Variants in RASGEF1B observed in about 807,000 individuals in gnomAD.
RASGEF1B encodes RasGEF domain family member 1B, also known as ras-GEF domain-containing family member 1B.
Under a neutral mutation model 65.7 loss-of-function variants are expected in RASGEF1B, and 30 were observed. That is an observed-to-expected ratio of 0.46 (90% confidence interval 0.34 to 0.62). The LOEUF is 0.62. RASGEF1B is among the 20% of genes least tolerant of loss of function. RASGEF1B has a pLI of 0.01. For synonymous variants in RASGEF1B, 175 were observed against 194.8 expected, an observed-to-expected ratio of 0.90 and a Z score of 0.85; for missense variants, 495 against 580.1, an observed-to-expected ratio of 0.85 and a Z score of 1.51.
chr4:81,457,482 T>C lies in RASGEF1B; in HGVS notation c.300+17A>G, dbSNP rs760295763. On this transcript the variant is annotated intron_variant, in intron 3 of 13. Coordinates refer to ENST00000264400, the MANE Select transcript of RASGEF1B (RefSeq NM_152545.3). ...AAGTAAGCATTCCTAATAAAACAAA[T>C]TGTAATGTACCATTACCTTATCACT... is the stretch of plus-strand genomic sequence containing the variant. The C allele has an allele frequency of 5.9e-5, 95 of 1,608,506 alleles. 1 individual carries two copies. The South Asian group carries it at 9.1e-4, about 15-fold the overall frequency.
chr4:81,440,751 A>C, intron 10 of RASGEF1B, 83 bp downstream of exon 10: 1 of 818,982 alleles, frequency 1.2e-6, no homozygotes, highest in Non-Finnish European at 2.0e-6. Flanking sequence ...AAGTAAAAAA[A>C]CTTCAGTGTC....
At position 81,447,954 on chromosome 4, in the gene RASGEF1B, C is replaced by T. The variant is rs1466511792; in HGVS notation, c.654+115G>A. ...ATGTTTCAGCTATCTCAGATGATTT[C>T]CCACTTGGATTATTCTGACCTCTCC... On this transcript the variant is annotated intron_variant, in intron 5 of 13. Transcript: ENST00000264400. The T allele has an allele frequency of 2.1e-5, 17 of 814,850 alleles. No homozygotes were observed. The Middle Eastern group carries it at 1.3e-3, about 62-fold the overall frequency. The allele number at this position is 814,850 out of a possible 1,614,324, so 50.5% of individuals were successfully genotyped here.
intron 1 of RASGEF1B, among the ~76,000 whole-genome samples, chr4:81,470,049 T>A (rs965347502): frequency 1.3e-5 from 2 of 152,150 alleles, no homozygotes; most frequent in Non-Finnish European, 2.9e-5. Flanking sequence ...TTGAGAGGCA[T>A]AATATAACGC....
At chr4:81,469,231 G>C (rs1722943933) in intron 1 of RASGEF1B, among the ~76,000 whole-genome samples, 1 of 152,132 alleles carries the variant, frequency 6.6e-6, no homozygotes, top group African/African-American at 2.4e-5. Context: ...CATTTATTAT[G>C]TGTGGCATCA....
intron 12 of RASGEF1B, among the ~76,000 whole-genome samples, chr4:81,432,871 A>T (rs950580477): frequency 6.6e-6 from 1 of 152,006 alleles, no homozygotes; most frequent in African/African-American, 2.4e-5. Flanking sequence ...AAAGTTTGTT[A>T]TTAGTCCTCT....
chr4:81,429,447 C>T (rs149355024), intron 13 of RASGEF1B, among the ~76,000 whole-genome samples: 171 of 152,174 alleles, frequency 1.1e-3, no homozygotes, highest in African/African-American at 3.4e-3. Flanking sequence ...TTAAATGATA[C>T]GGAATGGGGA....
At chr4:81,464,094 C>T (rs1722731287) in intron 1 of RASGEF1B, among the ~76,000 whole-genome samples, 1 of 152,140 alleles carries the variant, frequency 6.6e-6, no homozygotes, top group South Asian at 2.1e-4. Flanking sequence ...AGCAAATCTT[C>T]TCCTTTCATC....
Position 81,427,797 on chromosome 4 carries a change from G to A in RASGEF1B, c.1398-5C>T, listed in dbSNP as rs1424087506. On this transcript the variant is annotated splice_region_variant and splice_polypyrimidine_tract_variant and intron_variant, in intron 13 of 13. Transcript: ENST00000264400. ...ACTCTGCCTAAGAGGCTCGACCTGA[G>A]TAATAAAAACAACACAACCTAAGAC... 2.5e-6 allele frequency: 4 copies of A among 1,613,854 alleles called. No homozygotes were observed. The Admixed American group carries it at 5.0e-5, about 20-fold the overall frequency.
At position 81,459,325 on chromosome 4, in the gene RASGEF1B, T is replaced by C. The variant is rs769537758; in HGVS notation, c.177+7A>G. 4 of 1,568,046 alleles carry C rather than the reference T, an allele frequency of 2.6e-6. No individual in the cohort carries two copies. The East Asian group carries it at 9.1e-5, about 35-fold the overall frequency. On this transcript the variant is annotated splice_region_variant and intron_variant, in intron 2 of 13. Transcript: ENST00000264400. ...AGGATGTGTTTCAGAGAAACATGAA[T>C]ACCTACATCTGGATAGTAATCCACA...
chr4:81,466,316 A>G (rs1722800257), intron 1 of RASGEF1B, among the ~76,000 whole-genome samples: 1 of 152,140 alleles, frequency 6.6e-6, no homozygotes, highest in African/African-American at 2.4e-5. Flanking sequence ...TGTTATCTCA[A>G]GTACTTGCAG....
In RASGEF1B at chr4:81,459,501, T is replaced by C; in HGVS notation, c.8A>G (p.Gln3Arg). 1 of 1,583,072 alleles carries C rather than the reference T, an allele frequency of 6.3e-7. No homozygotes were observed. The highest frequency in any genetic ancestry group is 8.6e-7 in the Non-Finnish European group (1 of 1,169,354). Residue 3 changes from glutamine to arginine, a missense_variant, in exon 2 of 14, where the codon CAG (glutamine) becomes CGG (arginine). Transcript: ENST00000264400. ...AAACATTGCTGAAAAGGGAGGAGTC[T>C]GAGGCATACTTTCCTAAAAGGAATA... Reference protein sequence around the residue: MPQTPPFSAMFDS... With the variant: MPRTPPFSAMFDS...
In RASGEF1B at chr4:81,430,238, C is replaced by T. The variant is rs575408834; in HGVS notation, c.1397+2061G>A. Among the ~76,000 whole-genome samples the T allele has an allele frequency of 2.3e-3, 344 of 152,206 alleles. 1 individual carries two copies. Among genetic ancestry groups the T allele is most frequent in the African/African-American group, 7.5e-3 (313 of 41,552 alleles). On this transcript the variant is annotated intron_variant, in intron 13 of 13. Coordinates refer to ENST00000264400, the MANE Select transcript of RASGEF1B (RefSeq NM_152545.3). ...ATGGCGTGAACCCGGGAGGCGGAGC[C>T]TGCAGTGAGCCGAGATCCTCCCACT...
intron 1 of RASGEF1B, 79 bp from the exon 2 acceptor site, chr4:81,459,593 A>C: frequency 9.5e-7 from 1 of 1,047,210 alleles, no homozygotes; most frequent in Non-Finnish European, 1.4e-6. Context: ...AATAGGCACT[A>C]AGATTTAATA....
chr4:81,459,554 T>C (rs1030736911), intron 1 of RASGEF1B, 40 bp from the exon 2 acceptor site: 12 of 1,431,696 alleles, frequency 8.4e-6, no homozygotes, highest in Non-Finnish European at 1.0e-5. Context: ...ATGTCAGCAA[T>C]ATGCAGTATG....
intron 4 of RASGEF1B, chr4:81,451,155 T>C (rs780954004): frequency 2.0e-5 from 3 of 152,150 alleles, no homozygotes; most frequent in Non-Finnish European, 4.4e-5. Flanking sequence ...GTAAAGCCTG[T>C]TTACAAGAGC....
intron 1 of RASGEF1B, among the ~76,000 whole-genome samples, chr4:81,469,078 T>A (rs142494658): frequency 1.3e-5 from 2 of 152,172 alleles, no homozygotes; most frequent in Non-Finnish European, 2.9e-5. Context: ...AAAGGACAAC[T>A]ATAGGTCTGA....
chr4:81,461,607 G>A (rs1248187048), intron 1 of RASGEF1B, among the ~76,000 whole-genome samples: 1 of 152,180 alleles, frequency 6.6e-6, no homozygotes, highest in Non-Finnish European at 1.5e-5. Flanking sequence ...CCAGTATCTG[G>A]AAAACATTTC....
chr4:81,437,602 G>A (rs2109970682), intron 10 of RASGEF1B, among the ~76,000 whole-genome samples: 1 of 152,284 alleles, frequency 6.6e-6, no homozygotes, highest in Middle Eastern at 3.4e-3. Flanking sequence ...CACGCCAGGT[G>A]CCTATAGCTG....
At chr4:81,441,528 C>A (rs903947695) in intron 9 of RASGEF1B, among the ~76,000 whole-genome samples, 1 of 150,524 alleles carries the variant, frequency 6.6e-6, no homozygotes, top group Non-Finnish European at 1.5e-5. Flanking sequence ...AATACACATA[C>A]TCTTGCACGC....
Sources: allele counts gnomAD v4.1 joint callset (sites outside exome capture counted in the v4.1 genomes callset), GRCh38; gene constraint gnomAD v4.1.1; transcripts MANE v1.5; gene names NCBI Gene and HGNC (gene_info 2026-07-23, HGNC 2026-07-21).